The following PKHD1 variants were observed in gnomAD, a reference collection of about 807,000 sequenced individuals.
PKHD1 encodes fibrocystin.
In PKHD1, 291 loss-of-function variants were observed where a neutral mutation model predicts 412.0. The observed-to-expected ratio is 0.71, with a 90% CI of 0.64 to 0.78. The LOEUF is 0.78. Among genes scored for constraint, PKHD1 ranks in the 30% least tolerant of loss-of-function variants. The pLI is 0.00. For missense variants in PKHD1, 4,825 were observed against 4,950.7 expected (o/e 0.97, Z 0.76); for synonymous variants, 1,777 against 1,821.5 (o/e 0.98, Z 0.62).
intron 53 of PKHD1, among the ~76,000 whole-genome samples, chr6:51,778,440 C>T (rs73428019): frequency 0.012 from 1,820 of 152,158 alleles, 34 homozygotes; most frequent in African/African-American, 0.041. Flanking sequence ...GGTTAAGTAG[C>T]TTGTCAGGAA....
chr6:51,872,249 A>C (rs1562507334), intron 46 of PKHD1, among the ~76,000 whole-genome samples: 1 of 152,180 alleles, frequency 6.6e-6, no homozygotes, highest in Non-Finnish European at 1.5e-5. Context: ...CCAGACTGAA[A>C]AGTCCCACTC....
At chr6:52,073,580 C>G in intron 6 of PKHD1, 39 bp from the exon 7 acceptor site, 1 of 1,148,174 alleles carries the variant, frequency 8.7e-7, no homozygotes, top group South Asian at 1.2e-5. Context: ...ATGGACTTAG[C>G]TCAAACTCAA....
chr6:51,960,310 C>A (rs1025063559), intron 35 of PKHD1, among the ~76,000 whole-genome samples: 1 of 152,090 alleles, frequency 6.6e-6, no homozygotes, highest in Non-Finnish European at 1.5e-5. Context: ...CTGTGCCCAG[C>A]CCCTGGAATT....
intron 60 of PKHD1, among the ~76,000 whole-genome samples, chr6:51,708,713 A>T (rs574361782): frequency 7.2e-5 from 11 of 152,334 alleles, no homozygotes; most frequent in African/African-American, 2.6e-4. Flanking sequence ...CTATACAATG[A>T]TAACTTGTCT....
chr6:51,693,836 T>G (rs1298882557), intron 60 of PKHD1, among the ~76,000 whole-genome samples: 1 of 152,162 alleles, frequency 6.6e-6, no homozygotes, highest in South Asian at 2.1e-4. Flanking sequence ...TCATTTAATC[T>G]CCACAATAAA....
At chr6:51,730,974 G>A (rs549758655) in intron 60 of PKHD1, among the ~76,000 whole-genome samples, 2 of 152,306 alleles carry the variant, frequency 1.3e-5, no homozygotes, top group African/African-American at 4.8e-5. Context: ...ACGCTGGAGT[G>A]CAGTGGCATA....
chr6:51,886,979 T>C (rs1003049191), intron 44 of PKHD1, among the ~76,000 whole-genome samples, 154 bp downstream of exon 44: 5 of 152,210 alleles, frequency 3.3e-5, no homozygotes, highest in Non-Finnish European at 5.9e-5. Flanking sequence ...GCTTTTTGTA[T>C]GTCAATTATA....
At chr6:52,066,827 G>A (rs754504216) in intron 11 of PKHD1, among the ~76,000 whole-genome samples, 52 of 152,108 alleles carry the variant, frequency 3.4e-4, no homozygotes, top group Non-Finnish European at 6.9e-4. Context: ...TTGAACCCAG[G>A]AGGCGGAGGT....
chr6:51,720,284 A>T (rs1005611998), intron 60 of PKHD1, among the ~76,000 whole-genome samples: 4 of 152,166 alleles, frequency 2.6e-5, no homozygotes, highest in South Asian at 4.1e-4. Flanking sequence ...GAAGTAAGTT[A>T]TATCAGTCTC....
At chr6:51,695,467 AAGAAGAGGAAGG>A (rs1778688769) in intron 60 of PKHD1, among the ~76,000 whole-genome samples, 1 of 152,156 alleles carries the variant, frequency 6.6e-6, no homozygotes, top group Non-Finnish European at 1.5e-5. Context: ...GAGGAGGAAG[AAGAAGAGGAAGG>A]AGAGGAGGAA....
intron 60 of PKHD1, among the ~76,000 whole-genome samples, chr6:51,724,070 T>C (rs1782257402): frequency 6.6e-6 from 1 of 152,138 alleles, no homozygotes; most frequent in Non-Finnish European, 1.5e-5. Flanking sequence ...CAGGAAAAAT[T>C]AACCACCAGA....
intron 61 of PKHD1, among the ~76,000 whole-genome samples, chr6:51,650,539 G>A (rs150214095): frequency 1.1e-3 from 168 of 152,138 alleles, no homozygotes; most frequent in Non-Finnish European, 2.1e-3. Flanking sequence ...CCTTCCCCAC[G>A]TGAGGAGGAA....
intron 60 of PKHD1, among the ~76,000 whole-genome samples, chr6:51,665,068 T>C (rs552719939): frequency 2.0e-5 from 3 of 152,288 alleles, no homozygotes; most frequent in Admixed American, 2.0e-4. Flanking sequence ...ACTTCTTTGG[T>C]TCAGATCTTC....
rs1394188805 is a variant in PKHD1, at chr6:51,781,728, A to G, written c.8441-5807T>C. Among the ~76,000 whole-genome samples the G allele has an allele frequency of 3.9e-5, 6 of 152,216 alleles. No homozygotes were observed. In the East Asian group the frequency reaches 1.2e-3, roughly 29 times the overall value. On this transcript the variant is annotated intron_variant, in intron 53 of 66. Coordinates refer to ENST00000371117, the MANE Select transcript of PKHD1 (RefSeq NM_138694.4). ...AATAATAGTAGTTAAAAAAACAGTA[A>G]TAGTAACCATGGAGGTATCACACTT...
At chr6:51,737,320 A>G (rs1783979816) in intron 60 of PKHD1, among the ~76,000 whole-genome samples, 1 of 152,336 alleles carries the variant, frequency 6.6e-6, no homozygotes, top group South Asian at 2.1e-4. Flanking sequence ...TAAAACATAC[A>G]CTTAGTATCA....
chr6:51,830,711 T>G, intron 52 of PKHD1, 150 bp downstream of exon 52: 1 of 723,056 alleles, frequency 1.4e-6, no homozygotes, highest in Non-Finnish European at 2.4e-6. Flanking sequence ...TTCTCCTACA[T>G]TAACCCCCCC....
intron 55 of PKHD1, among the ~76,000 whole-genome samples, chr6:51,771,234 C>T (rs182061755): frequency 7.0e-4 from 106 of 151,742 alleles, no homozygotes; most frequent in African/African-American, 2.4e-3. Context: ...ATGCACATAA[C>T]CTACTGATTA....
intron 36 of PKHD1, among the ~76,000 whole-genome samples, chr6:51,950,298 A>G (rs1182719430): frequency 6.6e-6 from 1 of 150,766 alleles, no homozygotes; most frequent in Middle Eastern, 3.4e-3. Context: ...AACCATTTTC[A>G]TCAACTCAGA....
chr6:51,807,167 C>T (rs1465138126), intron 52 of PKHD1, among the ~76,000 whole-genome samples: 1 of 149,130 alleles, frequency 6.7e-6, no homozygotes, highest in Non-Finnish European at 1.5e-5. Flanking sequence ...GTGACTCATG[C>T]CTGTAATCGA....
Sources: allele counts gnomAD v4.1 joint callset (sites outside exome capture counted in the v4.1 genomes callset), GRCh38; gene constraint gnomAD v4.1.1; transcripts MANE v1.5; gene names NCBI Gene and HGNC (gene_info 2026-07-23, HGNC 2026-07-21).